The following ETS1 variants were observed in gnomAD, a reference collection of about 807,000 sequenced individuals.
ETS1 encodes the protein protein C-ets-1.
A neutral mutation model predicts 58.6 loss-of-function variants in ETS1; 15 were observed. The observed-to-expected ratio is 0.26, with a 90% confidence interval of 0.17 to 0.39. The LOEUF (loss-of-function observed/expected upper bound fraction) is 0.39, where lower values mean the gene tolerates loss of function less well. Ranked by LOEUF, ETS1 falls within the 10% of genes least tolerant of loss-of-function variation. The pLI, the probability that ETS1 is intolerant of heterozygous loss-of-function variation, is 1.00. For missense variants in ETS1, 417 were observed against 610.5 expected (o/e 0.68, Z 3.34); for synonymous variants, 214 against 218.2 (o/e 0.98, Z 0.17).
rs556861036 is a variant in ETS1 at position 128,569,249 on chromosome 11, C to T, written c.69+3813G>A. Among the ~76,000 whole-genome samples the T allele has an allele frequency of 8.0e-5, 12 of 149,074 alleles. No individual in the cohort carries two copies. In the South Asian group the frequency reaches 2.3e-3, roughly 29 times the overall value. On this transcript the variant is annotated intron_variant, in intron 2 of 9. Transcript: ENST00000392668. ...CTTTGGGGGACAAAAGCACCCCCTA[C>T]TGAAAACCCCAATACTCTCATGGTT... is the stretch of plus-strand genomic sequence containing the variant.
chr11:128,503,173 TTC>T (rs1181725731), intron 3 of ETS1, among the ~76,000 whole-genome samples: 5 of 152,252 alleles, frequency 3.3e-5, no homozygotes, highest in Non-Finnish European at 7.3e-5. Context: ...AAGATTTTTT[TTC>T]TCTTTTTCCT....
At chr11:128,584,993 AGGAAGGAAG>A (rs1864954717) in intron 1 of ETS1, among the ~76,000 whole-genome samples, 1 of 54,302 alleles carries the variant, frequency 1.8e-5, no homozygotes, top group African/African-American at 8.8e-5. Context: ...AAAGAAAGGA[AGGAAGGAAG>A]GAAAGAAAGG....
intron 8 of ETS1, among the ~76,000 whole-genome samples, chr11:128,470,643 T>C (rs539382767): frequency 6.6e-6 from 1 of 151,818 alleles, no homozygotes; most frequent in African/African-American, 2.4e-5. Context: ...CAACAGAAAA[T>C]ATATTTTTAA....
chr11:128,503,639 G>C (rs574261389), intron 3 of ETS1, among the ~76,000 whole-genome samples: 1 of 152,076 alleles, frequency 6.6e-6, no homozygotes, highest in African/African-American at 2.4e-5. Context: ...GACCTGGTAC[G>C]GTACTTCATT....
chr11:128,575,152 C>T (rs1160347970), intron 1 of ETS1, among the ~76,000 whole-genome samples: 1 of 152,190 alleles, frequency 6.6e-6, no homozygotes, highest in Non-Finnish European at 1.5e-5. Context: ...TCAGATAGTA[C>T]AGAACCCCAT....
At position 128,462,690 on chromosome 11, in the gene ETS1, A is replaced by G. The variant is rs1861935077; in HGVS notation, c.1243-114T>C. ...CATTCATGGTGACCCATGATGCTCA[A>G]GTAAGATGATTTGAGATTCATGTAG... On this transcript the variant is annotated intron_variant, in intron 9 of 9. Coordinates refer to ENST00000392668, the MANE Select transcript of ETS1 (RefSeq NM_001143820.2). 2.3e-5 allele frequency: 17 copies of G among 748,872 alleles called. No homozygotes were observed. In the South Asian group the frequency reaches 2.9e-4, roughly 13 times the overall value. 46.4% of individuals were successfully genotyped at this position (748,872 alleles called of 1,614,324 possible).
At chr11:128,574,921 C>T (rs754582363) in intron 1 of ETS1, among the ~76,000 whole-genome samples, 2 of 152,186 alleles carry the variant, frequency 1.3e-5, no homozygotes, top group Non-Finnish European at 2.9e-5. Flanking sequence ...TTGATCATCC[C>T]TCCAGGGTCC....
At chr11:128,474,880 C>G (rs571915081) in intron 8 of ETS1, among the ~76,000 whole-genome samples, 9 of 152,254 alleles carry the variant, frequency 5.9e-5, no homozygotes, top group African/African-American at 1.9e-4. Context: ...CAATCAGGTA[C>G]TGCCCAAGGA....
At chr11:128,468,979 T>C (rs564024056) in intron 8 of ETS1, among the ~76,000 whole-genome samples, 1 of 152,348 alleles carries the variant, frequency 6.6e-6, no homozygotes, top group South Asian at 2.1e-4. Flanking sequence ...ACTCATTAAA[T>C]ATTTTCTAAA....
At chr11:128,528,978 A>G (rs527744932) in intron 3 of ETS1, 1 of 152,348 alleles carries the variant, frequency 6.6e-6, no homozygotes, top group Non-Finnish European at 1.5e-5. Context: ...GTCAGCCTGG[A>G]CGTTTTATAC....
rs779402551 is a variant in ETS1 at position 128,466,498 on chromosome 11, AG to A, written c.1124-2872del. On this transcript the variant is annotated intron_variant, in intron 8 of 9. Coordinates refer to ENST00000392668, the MANE Select transcript of ETS1 (RefSeq NM_001143820.2). ...TCCCGTGGTTTGCACCAGCTCCCAG[AG>A]GACGAACCCTCTGACGGAATGGTTA... Among the ~76,000 whole-genome samples, 9 of 152,210 alleles carry A rather than the reference AG, an allele frequency of 5.9e-5. No homozygotes were observed. In the South Asian group the frequency reaches 8.3e-4, roughly 14 times the overall value.
At chr11:128,545,782 G>A (rs775615398) in intron 3 of ETS1, among the ~76,000 whole-genome samples, 114 of 152,286 alleles carry the variant, frequency 7.5e-4, no homozygotes, top group Admixed American at 2.0e-3. Context: ...AGTTCCGAGG[G>A]ATCTAAACCA....
rs1861893837 is a variant in ETS1 at position 128,461,095 on chromosome 11, T to G, written c.*1266A>C. On this transcript the variant is annotated 3_prime_UTR_variant, in exon 10 of 10. Transcript: ENST00000392668. Reference sequence around the variant, plus strand: ...TTAGGTCGTGTCTCAAGTTACTTTTTCACTCACCAATCAGAAAGCCGTACA... The same window carrying G: ...TTAGGTCGTGTCTCAAGTTACTTTTGCACTCACCAATCAGAAAGCCGTACA... 2 of 152,808 alleles carry G rather than the reference T, an allele frequency of 1.3e-5. No individual in the cohort carries two copies. The highest frequency in any genetic ancestry group is 3.4e-3 in the Middle Eastern group (1 of 294). 9.5% of individuals were successfully genotyped at this position (152,808 alleles called of 1,614,324 possible). A position where few individuals can be genotyped will look rare whatever the true frequency, so the allele number is the denominator to read the frequency against.
chr11:128,569,952 G>T (rs1864591598), intron 2 of ETS1, among the ~76,000 whole-genome samples: 1 of 152,188 alleles, frequency 6.6e-6, no homozygotes, highest in Non-Finnish European at 1.5e-5. Context: ...AGGCTGTCAT[G>T]GGTGGGAGTA....
At chr11:128,580,450 A>G (rs1864843321) in intron 1 of ETS1, among the ~76,000 whole-genome samples, 2 of 152,188 alleles carry the variant, frequency 1.3e-5, no homozygotes, top group Non-Finnish European at 2.9e-5. Context: ...CTAAGAACTC[A>G]GGTTTAAGAT....
intron 1 of ETS1, among the ~76,000 whole-genome samples, chr11:128,577,715 A>T (rs1050688023): frequency 3.0e-4 from 46 of 152,302 alleles, no homozygotes; most frequent in Admixed American, 2.4e-3. Flanking sequence ...ATGCTTCTCT[A>T]GACCTTTGTT....
chr11:128,496,157 T>C (rs530936605), intron 3 of ETS1, among the ~76,000 whole-genome samples: 25 of 152,246 alleles, frequency 1.6e-4, no homozygotes, highest in Non-Finnish European at 2.9e-5. Flanking sequence ...AAAAAAAGCC[T>C]TCAAGTTACT....
At chr11:128,579,947 G>A (rs911132230) in intron 1 of ETS1, among the ~76,000 whole-genome samples, 13 of 151,820 alleles carry the variant, frequency 8.6e-5, no homozygotes, top group Non-Finnish European at 1.5e-4. Flanking sequence ...TTACTGTAAC[G>A]GTGTAACAAA....
chr11:128,508,987 A>G (rs1308426034), intron 3 of ETS1, among the ~76,000 whole-genome samples: 2 of 152,224 alleles, frequency 1.3e-5, no homozygotes, highest in African/African-American at 4.8e-5. Flanking sequence ...CACTAGGCAG[A>G]TATTTTGATC....
Sources: gnomAD v4.1 joint callset for allele counts (sites outside exome capture counted in the v4.1 genomes callset) on GRCh38, gnomAD v4.1.1 for gene constraint, MANE v1.5 for transcripts, NCBI Gene and HGNC (gene_info 2026-07-23, HGNC 2026-07-21) for gene names.